The following DCAF6 variants were observed in gnomAD, a reference collection of about 807,000 sequenced individuals.
DCAF6 encodes the protein DDB1 and CUL4 associated factor 6.
Under a neutral mutation model 125.1 loss-of-function variants are expected in DCAF6, and 54 were observed. That is an observed-to-expected ratio of 0.43 (90% CI 0.35 to 0.54). The LOEUF (loss-of-function observed/expected upper bound fraction) is 0.54, where lower values mean the gene tolerates loss of function less well. Among genes scored for constraint, DCAF6 ranks in the 20% least tolerant of loss-of-function variants. DCAF6 has a pLI of 0.01. For synonymous variants in DCAF6, 371 were observed against 390.4 expected (o/e 0.95, Z 0.58); for missense variants, 934 against 1,161.7 (o/e 0.80, Z 2.85).
the DCAF6 span, among the ~76,000 whole-genome samples, chr1:167,876,719 A>G: frequency 6.6e-5 from 10 of 152,204 alleles, no homozygotes; most frequent in Admixed American, 5.2e-4. Flanking sequence ...GATTGCATTA[A>G]TGGCCCCAGT....
In DCAF6 at chr1:167,936,956, G is replaced by GAA. The variant is rs930689678; in HGVS notation, c.48_49dup (p.Arg17LysfsTer26). On this transcript the variant is annotated frameshift_variant, in exon 1 of 22. Coordinates refer to ENST00000367840, the MANE Select transcript of DCAF6 (RefSeq NM_001198956.2). LOFTEE classifies it high-confidence loss of function. ...ACCCACACCTGTTGTGGGACGTGAG[G>GAA]AAAAGGTCCCTCGGGCTGGAGGACC... 6.2e-7 allele frequency: 1 copy of GAA among 1,610,986 alleles called. No individual in the cohort carries two copies. Among genetic ancestry groups the GAA allele is most frequent in the Non-Finnish European group, 8.5e-7 (1 of 1,179,230 alleles).
At chr1:168,018,778 A>AT (rs905314178) in intron 11 of DCAF6, among the ~76,000 whole-genome samples, 59 of 151,942 alleles carry the variant, frequency 3.9e-4, no homozygotes, top group South Asian at 4.1e-4. Flanking sequence ...ATCCTTAGCA[A>AT]TTTTTTTTAA....
chr1:167,951,577 A>AAAAC (rs1207307505), intron 1 of DCAF6, among the ~76,000 whole-genome samples: 2 of 152,184 alleles, frequency 1.3e-5, no homozygotes, highest in African/African-American at 4.8e-5. Context: ...TGTGTCTCAA[A>AAAAC]AAACAAACAA....
At chr1:167,913,181 CT>C in the DCAF6 span, among the ~76,000 whole-genome samples, 1 of 152,076 alleles carries the variant, frequency 6.6e-6, no homozygotes, top group Non-Finnish European at 1.5e-5. Flanking sequence ...ATGAGGATAC[CT>C]GAGTCAAAAG....
At chr1:167,878,392 A>G in the DCAF6 span, 6 of 1,582,610 alleles carry the variant, frequency 3.8e-6, no homozygotes, top group African/African-American at 8.1e-5. Context: ...TTGCTATCAT[A>G]ATTCTCCCGC....
intron 12 of DCAF6, among the ~76,000 whole-genome samples, chr1:168,037,104 C>T (rs380682): frequency 0.08 from 10,374 of 130,080 alleles, 1,008 homozygotes; most frequent in African/African-American, 0.28. Context: ...TCTCCCCCCC[C>T]TTTTTTTTTT....
At chr1:168,025,125 ATATCAC>A in intron 12 of DCAF6, among the ~76,000 whole-genome samples, 1 of 152,322 alleles carries the variant, frequency 6.6e-6, no homozygotes, top group Admixed American at 6.5e-5. Context: ...ATTTAATAAT[ATATCAC>A]TATCAGAGAT....
the DCAF6 span, among the ~76,000 whole-genome samples, chr1:167,879,191 T>G: frequency 6.6e-6 from 1 of 152,210 alleles, no homozygotes. Context: ...GCAAACTACT[T>G]GGGACAATTA....
chr1:168,033,491 A>AT (rs1005343012), intron 12 of DCAF6, among the ~76,000 whole-genome samples: 14 of 150,298 alleles, frequency 9.3e-5, no homozygotes, highest in African/African-American at 2.0e-4. Context: ...AATTTTTTGT[A>AT]TTTTTTTAGT....
intron 1 of DCAF6, among the ~76,000 whole-genome samples, chr1:167,945,018 A>G (rs567194034): frequency 6.6e-6 from 1 of 152,302 alleles, no homozygotes; most frequent in African/African-American, 2.4e-5. Context: ...TTTGTCAAAC[A>G]TCAGTTGGCT....
chr1:167,985,994 T>A (rs2102976736), intron 4 of DCAF6, among the ~76,000 whole-genome samples: 1 of 152,336 alleles, frequency 6.6e-6, no homozygotes, highest in Admixed American at 6.5e-5. Flanking sequence ...TGTGTCTGGC[T>A]TTTTTCACAC....
At chr1:168,057,822 CATT>C (rs1691082284) in intron 17 of DCAF6, among the ~76,000 whole-genome samples, 1 of 152,142 alleles carries the variant, frequency 6.6e-6, no homozygotes, top group Admixed American at 6.5e-5. Context: ...GACACATTAT[CATT>C]GTTAGTTCAT....
At chr1:167,950,726 G>C (rs1673796914) in intron 1 of DCAF6, among the ~76,000 whole-genome samples, 1 of 152,108 alleles carries the variant, frequency 6.6e-6, no homozygotes, top group African/African-American at 2.4e-5. Context: ...GTTCTTTGTT[G>C]TAAATTCAGC....
At chr1:167,928,066 C>T in the DCAF6 span, among the ~76,000 whole-genome samples, 9 of 151,936 alleles carry the variant, frequency 5.9e-5, no homozygotes, top group Admixed American at 2.6e-4. Context: ...AAAAAAAGGT[C>T]GGCCGGGCGC....
chr1:167,866,511 A>T, the DCAF6 span, among the ~76,000 whole-genome samples: 1 of 144,786 alleles, frequency 6.9e-6, no homozygotes, highest in Admixed American at 6.9e-5. Context: ...GACCTGACGA[A>T]AGTGCACACT....
At chr1:168,073,435 G>C (rs1442365730) in intron 21 of DCAF6, among the ~76,000 whole-genome samples, 2 of 152,156 alleles carry the variant, frequency 1.3e-5, no homozygotes, top group Non-Finnish European at 2.9e-5. Flanking sequence ...TTTGAGGAGA[G>C]AACAACTATT....
intron 7 of DCAF6, among the ~76,000 whole-genome samples, chr1:167,997,016 G>A (rs1202723754): frequency 6.6e-6 from 1 of 151,872 alleles, no homozygotes; most frequent in Non-Finnish European, 1.5e-5. Context: ...TTGCTCCATC[G>A]GGCTGTAAAT....
chr1:167,940,659 C>T (rs572590188), intron 1 of DCAF6, among the ~76,000 whole-genome samples: 1 of 152,126 alleles, frequency 6.6e-6, no homozygotes, highest in South Asian at 2.1e-4. Context: ...TTTATTATCC[C>T]ATATATATAC....
chr1:167,935,078 G>A (rs764505682), upstream of DCAF6, among the ~76,000 whole-genome samples: 138 of 152,104 alleles, frequency 9.1e-4, no homozygotes, highest in Non-Finnish European at 1.7e-3. Flanking sequence ...CTAGGCTTTT[G>A]CTCAAGGTCA....
Sources: allele counts gnomAD v4.1 joint callset (sites outside exome capture counted in the v4.1 genomes callset), GRCh38; gene constraint gnomAD v4.1.1; transcripts MANE v1.5; gene names NCBI Gene and HGNC (gene_info 2026-07-23, HGNC 2026-07-21).